ASB4: variants seen among roughly 807,000 people sequenced by gnomAD.
The protein encoded by ASB4 is ankyrin repeat and SOCS box protein 4.
In ASB4, 35 loss-of-function variants were observed where a neutral mutation model predicts 38.6. The ratio of observed to expected loss-of-function variants is 0.91; its 90% CI spans 0.69 to 1.20. ASB4 has a LOEUF of 1.20. Ranked by LOEUF, ASB4 falls within the 50% of genes most tolerant of loss-of-function variation. The pLI is 0.00. For synonymous variants in ASB4, 195 were observed against 201.3 expected (o/e 0.97, Z 0.26); for missense variants, 557 against 527.2 (o/e 1.06, Z -0.55).
At chr7:95,498,604 A>C (rs938165334) in intron 2 of ASB4, among the ~76,000 whole-genome samples, 1 of 152,234 alleles carries the variant, frequency 6.6e-6, no homozygotes, top group East Asian at 1.9e-4. Flanking sequence ...GTCATTTATC[A>C]GATACATAGT....
Position 95,528,181 on chromosome 7 carries a change from T to C in ASB4, c.856T>C (p.Cys286Arg), listed in dbSNP as rs1171335190. 2 of 1,614,112 alleles carry C rather than the reference T, an allele frequency of 1.2e-6. No homozygotes were observed. The highest frequency in any genetic ancestry group is 1.3e-5 in the African/African-American group (1 of 74,942). The change falls in exon 3 of 5, where the codon TGT becomes CGT. Residue 286 changes from cysteine (C) to arginine (R), a missense_variant. Coordinates refer to ENST00000325885, the MANE Select transcript of ASB4 (RefSeq NM_016116.3). The stretch of plus-strand genomic sequence containing the variant: ...AGCCAATCTCATGGATATCAACGGC[T>C]GTGCTGCCATCCAGTACGTGCTGAA... ...AEANLMDING[C>R]AAIQYVLKVT...
intron 2 of ASB4, among the ~76,000 whole-genome samples, chr7:95,515,287 T>TTC (rs1790559221): frequency 1.7e-5 from 2 of 120,068 alleles, no homozygotes; most frequent in African/African-American, 6.0e-5. Context: ...CTTTCTTTCT[T>TTC]TCTTTCTTTC....
chr7:95,531,405 G>A (rs1295245973), intron 3 of ASB4, among the ~76,000 whole-genome samples: 8 of 152,170 alleles, frequency 5.3e-5, no homozygotes, highest in African/African-American at 1.4e-4. Context: ...TCCCTCCAGC[G>A]AAAAGGATGG....
the ASB4 span, among the ~76,000 whole-genome samples, chr7:95,545,717 C>A: frequency 2.0e-5 from 3 of 152,242 alleles, no homozygotes; most frequent in Admixed American, 6.5e-5. Context: ...CAACAACTGG[C>A]AAGAATAGCA....
At position 95,536,448 on chromosome 7, in the gene ASB4, C is replaced by T. The variant is rs573143506; in HGVS notation, c.990C>T (p.Ala330=). 1 of 1,610,732 alleles carries T rather than the reference C, an allele frequency of 6.2e-7. No homozygotes were observed. Among genetic ancestry groups the T allele is most frequent in the African/African-American group, 1.3e-5 (1 of 74,936 alleles). ...YPPQFHKVIQ[A]CHSCPKAIEV... The stretch of plus-strand genomic sequence containing the variant: ...TGCTTCCTCTGCAGGTGATACAGGC[C>T]TGCCATTCTTGTCCTAAAGCAATTG... The change falls in exon 4 of 5, where the codon GCC becomes GCT. Residue 330 remains alanine (A), a synonymous_variant. Transcript: ENST00000325885.
intron 2 of ASB4, among the ~76,000 whole-genome samples, chr7:95,504,356 T>C (rs1014117783): frequency 1.6e-5 from 2 of 125,554 alleles, no homozygotes; most frequent in African/African-American, 3.4e-5. Flanking sequence ...GTCAACCACA[T>C]GTTAGGAAAT....
In ASB4 at chr7:95,539,388, T is replaced by C. The variant is rs1032611281; in HGVS notation, c.*1629T>C. 2.0e-5 allele frequency: 3 copies of C among 152,206 alleles called. No homozygotes were observed. The South Asian group carries it at 6.2e-4, about 32-fold the overall frequency. 9.4% of individuals were successfully genotyped at this position (152,206 alleles called of 1,614,324 possible). On this transcript the variant is annotated 3_prime_UTR_variant, in exon 5 of 5. Transcript: ENST00000325885. ...GAAAAGTCATAGGTGGATACAATAA[T>C]CTCTTTTAAGTATCAGTTTTACTCA...
At chr7:95,528,839 C>T (rs917836547) in intron 3 of ASB4, 15 of 392,504 alleles carry the variant, frequency 3.8e-5, no homozygotes, top group South Asian at 2.1e-4. Context: ...AACAATCATA[C>T]GAGGTATATA....
chr7:95,491,384 C>T (rs1376173516), intron 1 of ASB4, among the ~76,000 whole-genome samples: 1 of 152,212 alleles, frequency 6.6e-6, no homozygotes, highest in Admixed American at 6.5e-5. Context: ...TGCTTCACCT[C>T]CCACCCCTAG....
chr7:95,487,708 A>G (rs1790112033), intron 1 of ASB4, among the ~76,000 whole-genome samples: 2 of 152,222 alleles, frequency 1.3e-5, no homozygotes, highest in South Asian at 2.1e-4. Context: ...GCTGACTCCT[A>G]TGGTCCTCAT....
intron 2 of ASB4, among the ~76,000 whole-genome samples, chr7:95,503,356 T>C (rs957142852): frequency 3.3e-5 from 5 of 152,236 alleles, no homozygotes; most frequent in Admixed American, 2.0e-4. Flanking sequence ...GTGAGCATCT[T>C]GTTTTCTTTC....
chr7:95,511,332 C>G (rs1007686927), intron 2 of ASB4, among the ~76,000 whole-genome samples: 1 of 152,022 alleles, frequency 6.6e-6, no homozygotes, highest in Non-Finnish European at 1.5e-5. Context: ...CTCCAGCCCC[C>G]TTTTCTTTGT....
At chr7:95,471,880 T>TTTTTTTTTTTTTTTTTTTTTTTGAG in the ASB4 span, 1 of 150,706 alleles carries the variant, frequency 6.6e-6, no homozygotes, top group African/African-American at 2.4e-5. Flanking sequence ...CTGCTTTTTT[T>TTTTTTTTTTTTTTTTTTTTTTTGAG]AACAGATGAA....
intron 2 of ASB4, among the ~76,000 whole-genome samples, chr7:95,520,482 A>G (rs73711341): frequency 0.013 from 1,920 of 152,304 alleles, 37 homozygotes; most frequent in African/African-American, 0.043. Flanking sequence ...CATCAAAAGT[A>G]AATAAGTTGA....
intron 2 of ASB4, among the ~76,000 whole-genome samples, chr7:95,514,655 A>G (rs1790530182): frequency 6.6e-6 from 1 of 152,146 alleles, no homozygotes; most frequent in Non-Finnish European, 1.5e-5. Flanking sequence ...ATTAGTCACT[A>G]CCTGTCTTAC....
intron 2 of ASB4, among the ~76,000 whole-genome samples, chr7:95,518,499 G>T (rs1184746932): frequency 1.3e-5 from 2 of 152,186 alleles, no homozygotes; most frequent in Non-Finnish European, 2.9e-5. Context: ...ATAACCTTCT[G>T]TTGCTCTAAG....
chr7:95,529,954 A>C (rs1443041093), intron 3 of ASB4, among the ~76,000 whole-genome samples: 1 of 152,090 alleles, frequency 6.6e-6, no homozygotes, highest in Non-Finnish European at 1.5e-5. Context: ...AACACCTCCG[A>C]AGTGTCAGGT....
downstream of ASB4, chr7:95,543,566 T>C (rs778171667): frequency 2.6e-5 from 4 of 152,238 alleles, no homozygotes; most frequent in Non-Finnish European, 5.9e-5. Context: ...GTGGACTTGA[T>C]CTGTGACCTG....
the ASB4 span, among the ~76,000 whole-genome samples, chr7:95,548,592 A>G: frequency 2.0e-5 from 3 of 152,236 alleles, no homozygotes; most frequent in Non-Finnish European, 4.4e-5. Flanking sequence ...GTTGGTAGCT[A>G]TTAGTGCCAT....
Sources: allele counts gnomAD v4.1 joint callset (sites outside exome capture counted in the v4.1 genomes callset), GRCh38; gene constraint gnomAD v4.1.1; transcripts MANE v1.5; gene names NCBI Gene and HGNC (gene_info 2026-07-23, HGNC 2026-07-21).